Variants in RTKN observed in about 807,000 individuals in gnomAD.
RTKN encodes the protein rhotekin.
Under a neutral mutation model 63.5 loss-of-function variants are expected in RTKN, and 49 were observed. The ratio of observed to expected loss-of-function variants is 0.77; its 90% CI spans 0.61 to 0.98. RTKN has a LOEUF of 0.98. Among genes scored for constraint, RTKN ranks in the 50% least tolerant of loss-of-function variants. RTKN has a pLI of 0.00. For missense variants in RTKN, 685 were observed against 740.8 expected (o/e 0.92, Z 0.87); for synonymous variants, 295 against 290.4 (o/e 1.02, Z -0.16).
At position 74,426,257 on chromosome 2, in the gene RTKN, G is replaced by A; in HGVS notation, c.1678C>T (p.Gln560Ter). The change falls in exon 12 of 12, where the codon CAG becomes TAG. Residue 560 changes from glutamine to a stop codon, truncating the protein, a stop_gained. Transcript: ENST00000272430. LOFTEE classifies it high-confidence loss of function. The part of the protein sequence containing the change: ...CSKGQPRTWL[Q>*]SPV ...ACCTTTCTCTCTCACACTGGTGACT[G>A]GAGCCAAGTGCGAGGTTGGCCTTTG... is the stretch of plus-strand genomic sequence containing the variant. 1 of 1,613,984 alleles carries A rather than the reference G, an allele frequency of 6.2e-7. No homozygotes were observed. Among genetic ancestry groups the A allele is most frequent in the South Asian group, 1.1e-5 (1 of 91,082 alleles).
chr2:74,425,922 A>T lies in RTKN; in HGVS notation c.*321T>A, dbSNP rs1670361678. 1.3e-6 allele frequency: 1 copy of T among 753,818 alleles called. No homozygotes were observed. The highest frequency in any genetic ancestry group is 2.1e-6 in the Non-Finnish European group (1 of 476,406). The allele number at this position is 753,818 out of a possible 1,614,324, so 46.7% of individuals were successfully genotyped here. On this transcript the variant is annotated 3_prime_UTR_variant, in exon 12 of 12. Coordinates refer to ENST00000272430, the MANE Select transcript of RTKN (RefSeq NM_001015055.2). ...TTTAATGGTTGATGTGGGAGTCACA[A>T]GGGAGGTATGTTTGCTCCAAGGGTT...
intron 6 of RTKN, among the ~76,000 whole-genome samples, chr2:74,429,181 C>A (rs181598165): frequency 6.6e-6 from 1 of 152,322 alleles, no homozygotes; most frequent in Non-Finnish European, 1.5e-5. Flanking sequence ...CATTCTTCAA[C>A]TAGATGAGGC....
Position 74,426,039 on chromosome 2 carries a change from C to A in RTKN, c.*204G>T. Reference sequence around the variant, plus strand: ...CAGGAAGGGTTTAGGGAGGTCCCAGCGAGCCCCAGGAATGAGTCCCTCGGT... The same window carrying A: ...CAGGAAGGGTTTAGGGAGGTCCCAGAGAGCCCCAGGAATGAGTCCCTCGGT... On this transcript the variant is annotated 3_prime_UTR_variant, in exon 12 of 12. Coordinates refer to ENST00000272430, the MANE Select transcript of RTKN (RefSeq NM_001015055.2). 1 of 651,416 alleles carries A rather than the reference C, an allele frequency of 1.5e-6. No individual in the cohort carries two copies. The highest frequency in any genetic ancestry group is 2.6e-6 in the Non-Finnish European group (1 of 379,932). The allele number at this position is 651,416 out of a possible 1,614,324, so 40.4% of individuals were successfully genotyped here. A position where few individuals can be genotyped will look rare whatever the true frequency, so the allele number is the denominator to read the frequency against.
rs150420936 is a variant in RTKN at position 74,430,006 on chromosome 2, A to G, written c.577T>C (p.Leu193=). The change falls in exon 6 of 12, where the codon TTA becomes CTA. Residue 193 remains leucine, a synonymous_variant. Coordinates refer to ENST00000272430, the MANE Select transcript of RTKN (RefSeq NM_001015055.2). ...AEAGPDFELR[L]ELYGACVEEE... is the part of the protein sequence containing the mutation. ...TCCACACAGGCCCCATACAGCTCTA[A>G]CCGCAGTTCAAAGTCTGGCCCCGCC... 11 of 1,614,078 alleles carry G rather than the reference A, an allele frequency of 6.8e-6. No individual in the cohort carries two copies. In the African/African-American group the frequency reaches 1.1e-4, roughly 16 times the overall value.
In RTKN at chr2:74,430,382, G is replaced by C; in HGVS notation, c.428-13C>G. The C allele has an allele frequency of 1.9e-6, 3 of 1,613,918 alleles. No individual in the cohort carries two copies. The highest frequency in any genetic ancestry group is 2.5e-6 in the Non-Finnish European group (3 of 1,179,792). On this transcript the variant is annotated splice_polypyrimidine_tract_variant and intron_variant, in intron 4 of 11. Transcript: ENST00000272430. ...CAGCGGTGCAAGTCTGGGGACAAAG[G>C]GCAAAACAAAAAACACGTCCCACGA...
chr2:74,426,845 A>T, intron 11 of RTKN: 1 of 1,342,414 alleles, frequency 7.4e-7, no homozygotes. Flanking sequence ...AGAGGAGAAA[A>T]TGAAAGCGGT....
intron 1 of RTKN, among the ~76,000 whole-genome samples, chr2:74,437,829 A>G (rs374885649): frequency 1.6e-4 from 24 of 152,172 alleles, no homozygotes; most frequent in South Asian, 8.3e-4. Flanking sequence ...CACAAATTAG[A>G]AAAAGCTGAC....
At chr2:74,428,474 T>C in intron 8 of RTKN, 78 bp from the exon 9 acceptor site, 1 of 1,609,978 alleles carries the variant, frequency 6.2e-7, no homozygotes. Context: ...TGAGAACCTG[T>C]TCGTTTTGTC....
At chr2:74,440,323 C>T in intron 1 of RTKN, 1 of 982,086 alleles carries the variant, frequency 1.0e-6, no homozygotes, top group Non-Finnish European at 1.2e-6. Context: ...GGCCCCCATC[C>T]AGCCCGCTCC....
intron 9 of RTKN, chr2:74,428,005 G>A: frequency 3.7e-6 from 2 of 544,372 alleles, no homozygotes; most frequent in East Asian, 3.1e-5. Flanking sequence ...AAGAGGGAGA[G>A]AGGATGAAAA....
rs140734651 is a variant in RTKN, at chr2:74,439,108, CTG to C, written c.111+2596_111+2597del. Reference sequence around the variant, plus strand: ...TGGGCAATATAGTGAGACCTCGTCTCTGTAAAGAATTGAAAAAAACAAATACA... The same window carrying C: ...TGGGCAATATAGTGAGACCTCGTCTCTAAAGAATTGAAAAAAACAAATACA... On this transcript the variant is annotated intron_variant, in intron 1 of 11. Coordinates refer to ENST00000272430, the MANE Select transcript of RTKN (RefSeq NM_001015055.2). Among the ~76,000 whole-genome samples, 590 of 152,292 alleles carry C rather than the reference CTG, an allele frequency of 3.9e-3. 3 individuals are homozygous for C. The highest frequency in any genetic ancestry group is 6.5e-3 in the Non-Finnish European group (439 of 68,020).
rs1338712192 is a variant in RTKN, at chr2:74,430,694, A to G, written c.312-17T>C. The G allele has an allele frequency of 6.2e-7, 1 of 1,604,200 alleles. No individual in the cohort carries two copies. Among genetic ancestry groups the G allele is most frequent in the South Asian group, 1.1e-5 (1 of 90,752 alleles). ...TCAGAAGGCCTGTGGATAAATCACA[A>G]TGTCCTGGCCTGGCCTCTAGCCACT... On this transcript the variant is annotated splice_polypyrimidine_tract_variant and intron_variant, in intron 2 of 11. Transcript: ENST00000272430.
At position 74,430,048 on chromosome 2, in the gene RTKN, G is replaced by A. The variant is rs1420892737; in HGVS notation, c.546-11C>T. The A allele has an allele frequency of 6.2e-7, 1 of 1,613,818 alleles. No individual in the cohort carries two copies. Among genetic ancestry groups the A allele is most frequent in the Admixed American group, 1.7e-5 (1 of 60,014 alleles). ...GGCCCCGCCTCAGCGCTGGTGGGAG[G>A]AAGAAAGGAGGGTGGTCACAGGAAA... On this transcript the variant is annotated splice_polypyrimidine_tract_variant and intron_variant, in intron 5 of 11. Transcript: ENST00000272430.
chr2:74,433,291 TAG>T (rs945931165), intron 1 of RTKN, among the ~76,000 whole-genome samples: 1 of 142,890 alleles, frequency 7.0e-6, no homozygotes, highest in Non-Finnish European at 1.5e-5. Context: ...ATAAGAAAAA[TAG>T]AGATGCCCTC....
chr2:74,432,267 T>C (rs750373142), intron 2 of RTKN, 200 bp downstream of exon 2: 1 of 707,420 alleles, frequency 1.4e-6, no homozygotes, highest in Non-Finnish European at 2.6e-6. Flanking sequence ...CTTTTCTAAG[T>C]CCTGCCCTGG....
At chr2:74,426,789 G>A in intron 11 of RTKN, 2 of 1,357,416 alleles carry the variant, frequency 1.5e-6, no homozygotes, top group African/African-American at 1.5e-5. Context: ...AGGTAGATGG[G>A]GATGGGAAGG....
chr2:74,430,014 T>A lies in RTKN; in HGVS notation c.569A>T (p.Glu190Val). The part of the protein sequence containing the change: ...VLFAEAGPDF[E>V]LRLELYGACV... ...GGCCCCATACAGCTCTAACCGCAGT[T>A]CAAAGTCTGGCCCCGCCTCAGCGCT... The change falls in exon 6 of 12, where the codon GAA becomes GTA. Residue 190 changes from glutamate (E) to valine (V), a missense_variant. Transcript: ENST00000272430. The A allele has an allele frequency of 6.2e-7, 1 of 1,614,040 alleles. No homozygotes were observed.
rs1306804857 is a variant in RTKN, at chr2:74,427,715, C to T, written c.1087-123G>A. ...GCTTTTGCTGAGCCCTCTCATTTGC[C>T]TCCTACTGACCAGAGTAGGAAGGAA... On this transcript the variant is annotated intron_variant, in intron 9 of 11. Transcript: ENST00000272430. The T allele has an allele frequency of 3.8e-6, 4 of 1,042,746 alleles. No individual in the cohort carries two copies. In the East Asian group the frequency reaches 7.2e-5, roughly 19 times the overall value. The allele number at this position is 1,042,746 out of a possible 1,614,324, so 64.6% of individuals were successfully genotyped here. A position where few individuals can be genotyped will look rare whatever the true frequency, so the allele number is the denominator to read the frequency against.
chr2:74,430,151 C>G, intron 5 of RTKN, 101 bp downstream of exon 5: 2 of 1,496,252 alleles, frequency 1.3e-6, no homozygotes, highest in Non-Finnish European at 1.9e-6. Context: ...GGTGCCCCTC[C>G]TCTCCACCCT....
Sources: gnomAD v4.1 joint callset for allele counts (sites outside exome capture counted in the v4.1 genomes callset) on GRCh38, gnomAD v4.1.1 for gene constraint, MANE v1.5 for transcripts, NCBI Gene and HGNC (gene_info 2026-07-23, HGNC 2026-07-21) for gene names.